The following CDH13 variants were observed in gnomAD, a reference collection of about 807,000 sequenced individuals.
CDH13 encodes the protein cadherin-13.
CDH13 carries 24 observed loss-of-function variants against 63.8 expected under a neutral mutation model. The ratio of observed to expected loss-of-function variants is 0.38; its 90% CI spans 0.27 to 0.53. The LOEUF (loss-of-function observed/expected upper bound fraction) is 0.53. Ranked by LOEUF, CDH13 falls within the 20% of genes least tolerant of loss-of-function variation. CDH13 has a pLI of 0.85. For synonymous variants in CDH13, 503 were observed against 355.3 expected, an observed-to-expected ratio of 1.42 and a Z score of -4.67; for missense variants, 1,049 against 903.1, an observed-to-expected ratio of 1.16 and a Z score of -2.07.
chr16:83,071,731 T>C (rs1171350806), intron 3 of CDH13, among the ~76,000 whole-genome samples: 1 of 152,192 alleles, frequency 6.6e-6, no homozygotes, highest in Non-Finnish European at 1.5e-5. Flanking sequence ...AATTTAACCA[T>C]GTTAAATATT....
intron 7 of CDH13, among the ~76,000 whole-genome samples, chr16:83,543,315 T>G (rs1028958772): frequency 5.9e-5 from 9 of 152,232 alleles, no homozygotes; most frequent in Admixed American, 2.6e-4. Context: ...ACAACCTTAG[T>G]GGGCCTTCAT....
chr16:83,718,787 C>G (rs1909287174), intron 10 of CDH13, among the ~76,000 whole-genome samples: 2 of 152,160 alleles, frequency 1.3e-5, no homozygotes, highest in South Asian at 4.2e-4. Context: ...TTTCCTTTTG[C>G]TAATCATGTG....
chr16:83,380,085 A>G (rs1444133696), intron 6 of CDH13, among the ~76,000 whole-genome samples: 1 of 152,002 alleles, frequency 6.6e-6, no homozygotes, highest in Non-Finnish European at 1.5e-5. Flanking sequence ...ATATATGCCT[A>G]AGATGATTCA....
chr16:82,689,358 A>C, intron 1 of CDH13, among the ~76,000 whole-genome samples: 1 of 152,064 alleles, frequency 6.6e-6, no homozygotes, highest in East Asian at 1.9e-4. Flanking sequence ...ATATTCATCC[A>C]CTCTTACAGA....
chr16:83,649,266 C>G (rs1567480742), intron 8 of CDH13, among the ~76,000 whole-genome samples: 1 of 152,238 alleles, frequency 6.6e-6, no homozygotes, highest in Non-Finnish European at 1.5e-5. Flanking sequence ...AGTATGTTTT[C>G]TACTGTAATT....
intron 10 of CDH13, among the ~76,000 whole-genome samples, chr16:83,747,281 G>A (rs950552759): frequency 6.6e-6 from 1 of 152,182 alleles, no homozygotes; most frequent in African/African-American, 2.4e-5. Flanking sequence ...CCCTGTGGGA[G>A]GTAATCGAAT....
At chr16:83,525,494 G>C (rs796776690) in intron 7 of CDH13, among the ~76,000 whole-genome samples, 3 of 152,354 alleles carry the variant, frequency 2.0e-5, no homozygotes, top group African/African-American at 7.2e-5. Context: ...TGCAGTATTG[G>C]TGGGAGAGGG....
intron 7 of CDH13, among the ~76,000 whole-genome samples, chr16:83,598,924 G>T (rs1281877586): frequency 6.6e-6 from 1 of 152,172 alleles, no homozygotes; most frequent in African/African-American, 2.4e-5. Context: ...CAATGTCCTG[G>T]AATTGAATTT....
At chr16:83,565,785 T>C (rs529045233) in intron 7 of CDH13, among the ~76,000 whole-genome samples, 1 of 152,314 alleles carries the variant, frequency 6.6e-6, no homozygotes, top group Middle Eastern at 3.4e-3. Context: ...GATAACTGAT[T>C]TATTCTTTTC....
intron 11 of CDH13, among the ~76,000 whole-genome samples, chr16:83,778,762 C>T (rs1163446202): frequency 6.6e-6 from 1 of 152,156 alleles, no homozygotes; most frequent in East Asian, 1.9e-4. Flanking sequence ...TCCTGTCCAG[C>T]AGGGTCAGCC....
intron 5 of CDH13, among the ~76,000 whole-genome samples, chr16:83,318,568 G>T (rs2090154622): frequency 1.3e-5 from 2 of 152,118 alleles, no homozygotes; most frequent in African/African-American, 2.4e-5. Context: ...ACTCAAAATT[G>T]GCCTAGGACA....
chr16:83,546,186 T>A (rs2075382562), intron 7 of CDH13, among the ~76,000 whole-genome samples: 2 of 152,140 alleles, frequency 1.3e-5, no homozygotes, highest in African/African-American at 4.8e-5. Flanking sequence ...GCATCCATCC[T>A]CCAAGTGTAG....
At chr16:83,133,838 C>T (rs182397628) in intron 4 of CDH13, among the ~76,000 whole-genome samples, 11 of 152,314 alleles carry the variant, frequency 7.2e-5, no homozygotes, top group Non-Finnish European at 1.6e-4. Context: ...ATTGTTTATA[C>T]ATCTTTGATG....
intron 5 of CDH13, among the ~76,000 whole-genome samples, chr16:83,334,831 G>A (rs13337660): frequency 0.32 from 48,583 of 151,860 alleles, 7,925 homozygotes; most frequent in East Asian, 0.45. Context: ...GAAAGGATAT[G>A]TAGATAGAGT....
chr16:82,765,799 A>G (rs1457762169), intron 1 of CDH13, among the ~76,000 whole-genome samples: 3 of 152,178 alleles, frequency 2.0e-5, no homozygotes. Context: ...ATAAAATTTC[A>G]TTGAGCATCT....
intron 2 of CDH13, among the ~76,000 whole-genome samples, chr16:82,861,839 T>C (rs1597830344): frequency 6.6e-6 from 1 of 152,238 alleles, no homozygotes; most frequent in African/African-American, 2.4e-5. Flanking sequence ...CTATTTCTTC[T>C]AACGTAACCA....
intron 11 of CDH13, among the ~76,000 whole-genome samples, chr16:83,758,071 G>C (rs1033683669): frequency 6.8e-6 from 1 of 146,546 alleles, no homozygotes; most frequent in Admixed American, 6.8e-5. Context: ...ATCTTAACTA[G>C]CCCAGTGCTT....
At chr16:83,470,969 C>A (rs77344085) in intron 6 of CDH13, among the ~76,000 whole-genome samples, 3,814 of 152,200 alleles carry the variant, frequency 0.025, 160 homozygotes, top group African/African-American at 0.086. Flanking sequence ...TCCAGCTTCT[C>A]GGGTCACCTG....
intron 5 of CDH13, among the ~76,000 whole-genome samples, chr16:83,257,294 T>A (rs1269671222): frequency 6.6e-6 from 1 of 152,112 alleles, no homozygotes; most frequent in Non-Finnish European, 1.5e-5. Context: ...CCGAGACAGC[T>A]GCAACTCAAG....
Sources: allele counts gnomAD v4.1 joint callset (sites outside exome capture counted in the v4.1 genomes callset), GRCh38; gene constraint gnomAD v4.1.1; transcripts MANE v1.5; gene names NCBI Gene and HGNC (gene_info 2026-07-23, HGNC 2026-07-21).